REPS1: variants seen among roughly 807,000 people sequenced by gnomAD.
The protein encoded by REPS1 is RALBP1 associated Eps domain containing 1.
REPS1 carries 39 observed loss-of-function variants against 100.9 expected under a neutral mutation model. The observed-to-expected ratio is 0.39, with a 90% CI of 0.30 to 0.50. REPS1 has a LOEUF of 0.50. Among genes scored for constraint, REPS1 ranks in the 20% least tolerant of loss-of-function variants. The pLI is 0.86. For synonymous variants in REPS1, 324 were observed against 340.3 expected (o/e 0.95, Z 0.53); for missense variants, 821 against 968.5 (o/e 0.85, Z 2.02).
At chr6:138,969,319 C>T (rs1222012466) in intron 1 of REPS1, among the ~76,000 whole-genome samples, 3 of 114,146 alleles carry the variant, frequency 2.6e-5, no homozygotes, top group South Asian at 3.0e-4. Flanking sequence ...CGCTCTGTCT[C>T]CCAGGTCTGT....
At chr6:138,953,804 A>C (rs1039971244) in intron 1 of REPS1, among the ~76,000 whole-genome samples, 2 of 152,172 alleles carry the variant, frequency 1.3e-5, no homozygotes, top group African/African-American at 4.8e-5. Flanking sequence ...AAAAGCTACA[A>C]ATAGAACTAC....
At chr6:138,931,184 T>C (rs907999741) in intron 8 of REPS1, among the ~76,000 whole-genome samples, 1 of 152,204 alleles carries the variant, frequency 6.6e-6, no homozygotes, top group Non-Finnish European at 1.5e-5. Context: ...CATTAAATGT[T>C]AGCACTATAC....
intron 1 of REPS1, among the ~76,000 whole-genome samples, chr6:138,975,970 G>A (rs1784581521): frequency 6.6e-6 from 1 of 152,186 alleles, no homozygotes; most frequent in South Asian, 2.1e-4. Context: ...ATCTAGAACT[G>A]TCGTATTCCA....
intron 1 of REPS1, among the ~76,000 whole-genome samples, chr6:138,966,788 AAAAAG>A (rs61285421): frequency 0.073 from 11,074 of 152,182 alleles, 770 homozygotes; most frequent in East Asian, 0.21. Context: ...TCTGCCTAAA[AAAAAG>A]AAAACGGTGA....
chr6:138,959,685 T>C lies in REPS1; in HGVS notation c.154-11772A>G, dbSNP rs144556576. Among the ~76,000 whole-genome samples, 739 of 152,286 alleles carry C rather than the reference T, an allele frequency of 4.9e-3. 6 individuals are homozygous for C. The highest frequency in any genetic ancestry group is 6.2e-3 in the Non-Finnish European group (419 of 68,016). Reference sequence around the variant, plus strand: ...GGCTAGCCAGTCACTATAACTTCTATTGTTCTACTAACTTGTTAGACTAGG... The same window carrying C: ...GGCTAGCCAGTCACTATAACTTCTACTGTTCTACTAACTTGTTAGACTAGG... On this transcript the variant is annotated intron_variant, in intron 1 of 19. Coordinates refer to ENST00000450536, the MANE Select transcript of REPS1 (RefSeq NM_001286611.2).
At chr6:138,943,609 T>A (rs372363251) in intron 6 of REPS1, 33 bp from the exon 7 acceptor site, 12 of 1,466,926 alleles carry the variant, frequency 8.2e-6, no homozygotes, top group Non-Finnish European at 1.1e-5. Flanking sequence ...TTTAATGTTA[T>A]TCTGAACTTA....
At chr6:138,966,484 C>T (rs1283343009) in intron 1 of REPS1, among the ~76,000 whole-genome samples, 2 of 152,248 alleles carry the variant, frequency 1.3e-5, no homozygotes, top group African/African-American at 2.4e-5. Flanking sequence ...AAACTCGTAA[C>T]GTGTTAACTA....
At chr6:138,917,384 G>A (rs758129880) in intron 13 of REPS1, among the ~76,000 whole-genome samples, 171 bp downstream of exon 13, 4 of 152,074 alleles carry the variant, frequency 2.6e-5, no homozygotes, top group Non-Finnish European at 5.9e-5. Context: ...GGTTCTTTTT[G>A]TTTTTCTATT....
intron 17 of REPS1, among the ~76,000 whole-genome samples, chr6:138,910,769 G>C (rs1362679159): frequency 6.6e-6 from 1 of 152,182 alleles, no homozygotes. Flanking sequence ...GGCATGGAGA[G>C]ATATGTAGTA....
chr6:138,945,398 T>C (rs1177322499), intron 3 of REPS1, 26 bp from the exon 4 acceptor site: 16 of 1,593,982 alleles, frequency 1.0e-5, no homozygotes, highest in Non-Finnish European at 1.3e-5. Flanking sequence ...ATTTTAAAAT[T>C]TTAACTTTAA....
At chr6:138,921,250 G>T in intron 10 of REPS1, 126 bp from the exon 11 acceptor site, 1 of 595,646 alleles carries the variant, frequency 1.7e-6, no homozygotes, top group Non-Finnish European at 2.9e-6. Flanking sequence ...AGGCAGGCAT[G>T]AAAATAAGCT....
rs897053714 is a variant in REPS1, at chr6:138,987,824, G to A, written c.-142C>T. 12 of 1,070,056 alleles carry A rather than the reference G, an allele frequency of 1.1e-5. No individual in the cohort carries two copies. Among genetic ancestry groups the A allele is most frequent in the African/African-American group, 3.3e-5 (2 of 60,350 alleles). The allele number at this position is 1,070,056 out of a possible 1,614,324, so 66.3% of individuals were successfully genotyped here. The stretch of plus-strand genomic sequence containing the variant: ...GCCGGCCCCGGCCTCACACGCGCCA[G>A]GTGCGCCCGAGCAACAGGGCCCGGA... On this transcript the variant is annotated 5_prime_UTR_variant, in exon 1 of 20. Coordinates refer to ENST00000450536, the MANE Select transcript of REPS1 (RefSeq NM_001286611.2).
chr6:138,947,742 G>A (rs1357393028), intron 2 of REPS1, 48 bp downstream of exon 2: 1 of 1,410,966 alleles, frequency 7.1e-7, no homozygotes, highest in Non-Finnish European at 9.4e-7. Flanking sequence ...GACTTCATTT[G>A]TAATAGAAGC....
At chr6:138,952,370 A>T (rs1212578475) in intron 1 of REPS1, among the ~76,000 whole-genome samples, 4 of 152,052 alleles carry the variant, frequency 2.6e-5, no homozygotes, top group African/African-American at 9.7e-5. Flanking sequence ...TAACAAAACC[A>T]ATATACAAAA....
chr6:138,922,587 T>C (rs1041787851), intron 10 of REPS1, among the ~76,000 whole-genome samples: 1 of 152,122 alleles, frequency 6.6e-6, no homozygotes, highest in African/African-American at 2.4e-5. Flanking sequence ...GTAGGCCTGA[T>C]CTTAGGGACT....
intron 12 of REPS1, among the ~76,000 whole-genome samples, chr6:138,918,110 C>T (rs9495284): frequency 2.1e-5 from 3 of 144,434 alleles, no homozygotes; most frequent in African/African-American, 2.6e-5. Context: ...TGTGTGTGTG[C>T]GTGTGTATAT....
intron 1 of REPS1, among the ~76,000 whole-genome samples, chr6:138,951,732 G>A (rs1008261909): frequency 2.0e-5 from 3 of 152,054 alleles, no homozygotes; most frequent in African/African-American, 7.2e-5. Context: ...ATGTTTTTCA[G>A]TTTCTTCCAT....
intron 1 of REPS1, among the ~76,000 whole-genome samples, chr6:138,965,839 CCT>C (rs1351841294): frequency 6.6e-6 from 1 of 152,104 alleles, no homozygotes; most frequent in Non-Finnish European, 1.5e-5. Context: ...AATAATCAAA[CCT>C]CTCTTTTCTT....
chr6:138,928,998 TTC>T (rs1218034015), intron 9 of REPS1: 1 of 152,180 alleles, frequency 6.6e-6, no homozygotes, highest in African/African-American at 2.4e-5. Flanking sequence ...CACCAGTTAG[TTC>T]TGTTTTCCAA....
Sources: gnomAD v4.1 joint callset for allele counts (sites outside exome capture counted in the v4.1 genomes callset) on GRCh38, gnomAD v4.1.1 for gene constraint, MANE v1.5 for transcripts, NCBI Gene and HGNC (gene_info 2026-07-23, HGNC 2026-07-21) for gene names.